Variants in PAPOLG observed in about 807,000 individuals in gnomAD.
PAPOLG encodes the protein PAP-gamma.
A neutral mutation model predicts 99.0 loss-of-function variants in PAPOLG; 40 were observed. The observed-to-expected ratio is 0.40, with a 90% CI of 0.31 to 0.53. PAPOLG has a LOEUF of 0.53. Ranked by LOEUF, PAPOLG falls within the 20% of genes least tolerant of loss-of-function variation. PAPOLG has a pLI of 0.41. For synonymous variants in PAPOLG, 310 were observed against 299.3 expected (o/e 1.04, Z -0.37); for missense variants, 675 against 884.1 (o/e 0.76, Z 3.00).
intron 7 of PAPOLG, 51 bp downstream of exon 7, chr2:60,771,681 A>C (rs764070622): frequency 6.4e-7 from 1 of 1,559,954 alleles, no homozygotes; most frequent in Non-Finnish European, 8.6e-7. Context: ...CAATTAGAGA[A>C]ATATAGATAT....
At chr2:60,756,886 C>G (rs1670360732) in intron 1 of PAPOLG, among the ~76,000 whole-genome samples, 2 of 152,074 alleles carry the variant, frequency 1.3e-5, no homozygotes, top group Admixed American at 6.6e-5. Context: ...CCTCCCTTCC[C>G]GACCGGCTGT....
chr2:60,796,200 T>C (rs944280165), intron 21 of PAPOLG, among the ~76,000 whole-genome samples: 1 of 150,310 alleles, frequency 6.7e-6, no homozygotes, highest in Non-Finnish European at 1.5e-5. Context: ...AGTCTAGATT[T>C]TGCCTTCCTT....
chr2:60,796,974 C>T, intron 21 of PAPOLG, 88 bp from the exon 22 acceptor site: 3 of 1,543,530 alleles, frequency 1.9e-6, no homozygotes, highest in Non-Finnish European at 1.8e-6. Context: ...AGAAAAACTC[C>T]CCAAGTTTTG....
Position 60,794,149 on chromosome 2 carries a change from A to G in PAPOLG, c.1947A>G (p.Pro649=), listed in dbSNP as rs779424206. 9.3e-6 allele frequency: 15 copies of G among 1,613,428 alleles called. No individual in the cohort carries two copies. The Middle Eastern group carries it at 6.6e-4, about 71-fold the overall frequency. Residue 649 remains proline, a synonymous_variant, in exon 19 of 22, where the codon CCA becomes CCG. Coordinates refer to ENST00000238714, the MANE Select transcript of PAPOLG (RefSeq NM_022894.4). ...TTACACCTAAGAGATCCCATTCCCC[A>G]TCCATAGATGGGACTCCTAAGAGGT... ...KTVTPKRSHS[P]SIDGTPKRLK... is the part of the protein sequence containing the mutation.
In PAPOLG at chr2:60,797,270, C is replaced by A. The variant is rs2103834200; in HGVS notation, c.*110C>A. The A allele has an allele frequency of 1.5e-6, 2 of 1,359,504 alleles. No individual in the cohort carries two copies. The highest frequency in any genetic ancestry group is 1.2e-5 in the South Asian group (1 of 81,476). 84.2% of individuals were successfully genotyped at this position (1,359,504 alleles called of 1,614,324 possible). A position where few individuals can be genotyped will look rare whatever the true frequency, so the allele number is the denominator to read the frequency against. ...CATACGTGAAATAAGGTGAAAGTGA[C>A]AGCCTTCAGTCTAATAACCTTGAAG... On this transcript the variant is annotated 3_prime_UTR_variant, in exon 22 of 22. Coordinates refer to ENST00000238714, the MANE Select transcript of PAPOLG (RefSeq NM_022894.4).
At position 60,782,690 on chromosome 2, in the gene PAPOLG, T is replaced by C; in HGVS notation, c.1032T>C (p.Leu344=). Residue 344 remains leucine (L), a synonymous_variant, in exon 12 of 22, where the codon CTT becomes CTC. Coordinates refer to ENST00000238714, the MANE Select transcript of PAPOLG (RefSeq NM_022894.4). ...TVMVEEFKQG[L]AVTDEILQGK... is the part of the protein sequence containing the mutation. The stretch of plus-strand genomic sequence containing the variant: ...TTTTTTTTTTTTTTAATTTAGGTCT[T>C]GCAGTCACAGATGAAATTCTTCAAG... The C allele has an allele frequency of 1.5e-5, 22 of 1,516,792 alleles. No homozygotes were observed. The highest frequency in any genetic ancestry group is 1.9e-5 in the Non-Finnish European group (22 of 1,138,108). 94.0% of individuals were successfully genotyped at this position (1,516,792 alleles called of 1,614,324 possible).
chr2:60,801,035 T>TCTA lies in PAPOLG; in HGVS notation c.*3876_*3877insTAC, dbSNP rs1671824345. On this transcript the variant is annotated 3_prime_UTR_variant, in exon 22 of 22. Coordinates refer to ENST00000238714, the MANE Select transcript of PAPOLG (RefSeq NM_022894.4). ...CAGATGGCCTCATGATAACTTAGAT[T>TCTA]CGTTAACAGGGTCAAACTTTAGTTC... is the stretch of plus-strand genomic sequence containing the variant. 6.6e-6 allele frequency: 1 copy of TCTA among 152,348 alleles called. No individual in the cohort carries two copies. The highest frequency in any genetic ancestry group is 6.5e-5 in the Admixed American group (1 of 15,286). 9.4% of individuals were successfully genotyped at this position (152,348 alleles called of 1,614,324 possible).
chr2:60,798,667 A>G lies in PAPOLG; in HGVS notation c.*1507A>G, dbSNP rs1269926484. 1.3e-5 allele frequency: 2 copies of G among 152,344 alleles called. No homozygotes were observed. Among genetic ancestry groups the G allele is most frequent in the South Asian group, 2.1e-4 (1 of 4,830 alleles). The allele number at this position is 152,344 out of a possible 1,614,324, so 9.4% of individuals were successfully genotyped here. ...GTGTGGGGAAGACACCTCGTGTATT[A>G]TAGGACTCACGGGATGCCATCTAGC... On this transcript the variant is annotated 3_prime_UTR_variant, in exon 22 of 22. Coordinates refer to ENST00000238714, the MANE Select transcript of PAPOLG (RefSeq NM_022894.4).
At chr2:60,794,855 G>A (rs1671648647) in intron 20 of PAPOLG, 80 bp downstream of exon 20, 4 of 1,546,818 alleles carry the variant, frequency 2.6e-6, no homozygotes, top group South Asian at 1.1e-5. Context: ...TAGAAAGTAG[G>A]TCAGATTAGA....
chr2:60,761,248 T>A (rs1268521218), intron 2 of PAPOLG, among the ~76,000 whole-genome samples: 2 of 152,194 alleles, frequency 1.3e-5, no homozygotes, highest in Admixed American at 6.5e-5. Context: ...TAAATGTGGA[T>A]TCATTTACAC....
At position 60,768,707 on chromosome 2, in the gene PAPOLG, A is replaced by T. The variant is rs184498438; in HGVS notation, c.329-74A>T. On this transcript the variant is annotated intron_variant, in intron 4 of 21. Coordinates refer to ENST00000238714, the MANE Select transcript of PAPOLG (RefSeq NM_022894.4). ...TCAACTTCCATACTTTCTTCTGTACATATGTTTGTGTGTACTTTAACAAAG... is the reference window on the plus strand; with the variant it reads ...TCAACTTCCATACTTTCTTCTGTACTTATGTTTGTGTGTACTTTAACAAAG... 3.6e-6 allele frequency: 5 copies of T among 1,391,392 alleles called. No individual in the cohort carries two copies. In the African/African-American group the frequency reaches 7.3e-5, roughly 20 times the overall value. 86.2% of individuals were successfully genotyped at this position (1,391,392 alleles called of 1,614,324 possible).
At chr2:60,770,135 T>C (rs1221557590) in intron 5 of PAPOLG, among the ~76,000 whole-genome samples, 1 of 152,232 alleles carries the variant, frequency 6.6e-6, no homozygotes, top group Non-Finnish European at 1.5e-5. Flanking sequence ...AGTTTTGCTT[T>C]CCAGTTCTGA....
chr2:60,786,246 T>G (rs1671358492), intron 13 of PAPOLG, among the ~76,000 whole-genome samples: 1 of 152,118 alleles, frequency 6.6e-6, no homozygotes, highest in Non-Finnish European at 1.5e-5. Context: ...ATTTATTTAT[T>G]TAGAGATGGA....
intron 15 of PAPOLG, among the ~76,000 whole-genome samples, chr2:60,790,999 G>A (rs1470661072): frequency 1.3e-5 from 2 of 152,030 alleles, no homozygotes; most frequent in Non-Finnish European, 2.9e-5. Flanking sequence ...TGAGGCAGGA[G>A]AATAGCTTGA....
intron 21 of PAPOLG, 25 bp downstream of exon 21, chr2:60,795,045 G>C (rs1478142470): frequency 6.4e-7 from 1 of 1,573,448 alleles, no homozygotes. Context: ...TTGTTCATAG[G>C]TACAGTACAT....
rs1285037847 is a variant in PAPOLG at position 60,760,135 on chromosome 2, A to T, written c.19A>T (p.Asn7Tyr). 13 of 1,613,108 alleles carry T rather than the reference A, an allele frequency of 8.1e-6. No homozygotes were observed. Among genetic ancestry groups the T allele is most frequent in the Non-Finnish European group, 1.0e-5 (12 of 1,179,782 alleles). The change falls in exon 2 of 22, where the codon AAC becomes TAC. Residue 7 changes from asparagine to tyrosine, a missense_variant and splice_region_variant. Around this residue, in one of 3 missense-constraint regions of PAPOLG, gnomAD observed 149 missense variants for 192.1 expected, o/e 0.78. Coordinates refer to ENST00000238714, the MANE Select transcript of PAPOLG (RefSeq NM_022894.4). MKEMSA[N>Y]TVLDSQRQQK... ...CATTTTTCTTATTTTCTTGAACAGAAACACCGTGCTGGACAGCCAGCGTCA... is the reference window on the plus strand; with the variant it reads ...CATTTTTCTTATTTTCTTGAACAGATACACCGTGCTGGACAGCCAGCGTCA...
At chr2:60,764,959 G>C (rs1440747254) in intron 3 of PAPOLG, among the ~76,000 whole-genome samples, 2 of 152,140 alleles carry the variant, frequency 1.3e-5, no homozygotes, top group Non-Finnish European at 2.9e-5. Context: ...GTCAAATTCT[G>C]AGCAGATGGA....
intron 21 of PAPOLG, chr2:60,795,292 G>T (rs1465044518): frequency 5.3e-6 from 3 of 567,512 alleles, no homozygotes; most frequent in Non-Finnish European, 1.0e-5. Context: ...CTTTAAAGAA[G>T]CAGTTGGATG....
chr2:60,794,946 T>C lies in PAPOLG; in HGVS notation c.2056-18T>C. The stretch of plus-strand genomic sequence containing the variant: ...TAGGAAAGTTAGTTTTCACTTGTGT[T>C]GATTCTTCTGTTTTTAGGATGCCAT... On this transcript the variant is annotated intron_variant, in intron 20 of 21. Transcript: ENST00000238714. 6.2e-7 allele frequency: 1 copy of C among 1,611,152 alleles called. No homozygotes were observed. Among genetic ancestry groups the C allele is most frequent in the Non-Finnish European group, 8.5e-7 (1 of 1,179,122 alleles).
Sources: allele counts gnomAD v4.1 joint callset (sites outside exome capture counted in the v4.1 genomes callset), GRCh38; gene constraint gnomAD v4.1.1; regional missense constraint gnomAD v4.1.1; transcripts MANE v1.5; gene names NCBI Gene and HGNC (gene_info 2026-07-23, HGNC 2026-07-21).